The following TAFA4 variants were observed in gnomAD, a reference collection of about 807,000 sequenced individuals.
TAFA4 encodes TAFA chemokine like family member 4, also known as chemokine-like protein TAFA-4.
A neutral mutation model predicts 21.1 loss-of-function variants in TAFA4; 20 were observed. That is an observed-to-expected ratio of 0.95 (90% confidence interval 0.67 to 1.38). The LOEUF (loss-of-function observed/expected upper bound fraction) is 1.38, where lower values mean the gene tolerates loss of function less well. TAFA4 is among the 40% of genes most tolerant of loss of function. The pLI is 0.00. For missense variants in TAFA4, 211 were observed against 180.9 expected (o/e 1.17, Z -0.95); for synonymous variants, 71 against 67.4 (o/e 1.05, Z -0.26).
intron 3 of TAFA4, among the ~76,000 whole-genome samples, chr3:68,772,639 T>G (rs1702979549): frequency 6.6e-6 from 1 of 152,120 alleles, no homozygotes; most frequent in South Asian, 2.1e-4. Context: ...TAGCTTCACG[T>G]TGGGGCAGGC....
At chr3:68,809,663 G>GT (rs1032258656) in intron 3 of TAFA4, among the ~76,000 whole-genome samples, 2 of 151,364 alleles carry the variant, frequency 1.3e-5, no homozygotes, top group African/African-American at 4.9e-5. Context: ...GCTTTTCCCC[G>GT]TTTTTTCTTC....
rs183337694 is a variant in TAFA4, at chr3:68,901,908, T to C, written c.-122-16598A>G. On this transcript the variant is annotated intron_variant, in intron 1 of 5. Transcript: ENST00000295569. ...CTCTCTGAACCTCAAGCTCTTTATC[T>C]GAAAATAGATTTGGAAATAACTACC... Among the ~76,000 whole-genome samples, 572 of 152,270 alleles carry C rather than the reference T, an allele frequency of 3.8e-3. 1 individual carries two copies. The highest frequency in any genetic ancestry group is 0.013 in the African/African-American group (548 of 41,548).
At position 68,764,984 on chromosome 3, in the gene TAFA4, T is replaced by C. The variant is rs189420964; in HGVS notation, c.131-11966A>G. On this transcript the variant is annotated intron_variant, in intron 3 of 5. Transcript: ENST00000295569. Reference sequence around the variant, plus strand: ...CTGAAAAAGCAGAGTGACAGCCAAGTGTGTGGTTAACCAAAAGACAAAGAA... The same window carrying C: ...CTGAAAAAGCAGAGTGACAGCCAAGCGTGTGGTTAACCAAAAGACAAAGAA... Among the ~76,000 whole-genome samples, 66 of 152,184 alleles carry C rather than the reference T, an allele frequency of 4.3e-4. No individual in the cohort carries two copies. In the East Asian group the frequency reaches 0.012, roughly 27 times the overall value.
intron 1 of TAFA4, among the ~76,000 whole-genome samples, chr3:68,886,020 T>C (rs2089669256): frequency 6.6e-6 from 1 of 152,292 alleles, no homozygotes; most frequent in Admixed American, 6.5e-5. Context: ...TTTGTAAAGA[T>C]GCTAAGTTAA....
At chr3:68,843,929 T>C (rs1327861689) in intron 3 of TAFA4, among the ~76,000 whole-genome samples, 1 of 152,268 alleles carries the variant, frequency 6.6e-6, no homozygotes, top group Non-Finnish European at 1.5e-5. Flanking sequence ...CAGTATTTTA[T>C]TGAGGATTTT....
chr3:68,763,748 T>A (rs553368053), intron 3 of TAFA4, among the ~76,000 whole-genome samples: 79 of 152,204 alleles, frequency 5.2e-4, no homozygotes, highest in South Asian at 4.4e-3. Flanking sequence ...ACCACTTTTT[T>A]TCTAATAATA....
intron 3 of TAFA4, among the ~76,000 whole-genome samples, chr3:68,829,770 G>C (rs866530644): frequency 6.6e-6 from 1 of 152,048 alleles, no homozygotes; most frequent in Non-Finnish European, 1.5e-5. Flanking sequence ...ATGGTACCTG[G>C]TCATCTTTGT....
intron 3 of TAFA4, among the ~76,000 whole-genome samples, chr3:68,814,003 T>A (rs1176527084): frequency 6.6e-6 from 1 of 152,216 alleles, no homozygotes; most frequent in Non-Finnish European, 1.5e-5. Context: ...GATGCAAGGC[T>A]GGTTCAACAT....
chr3:68,863,601 G>C lies in TAFA4; in HGVS notation c.130+17129C>G, dbSNP rs1219299639. Among the ~76,000 whole-genome samples the C allele has an allele frequency of 2.0e-5, 3 of 152,070 alleles. 1 individual carries two copies. The highest frequency in any genetic ancestry group is 2.0e-4 in the Admixed American group (3 of 15,264). On this transcript the variant is annotated intron_variant, in intron 3 of 5. Transcript: ENST00000295569. ...CTGAGACCAAGAGAGTAAACAATTT[G>C]TTGTAGTAATTTTTCATAGTCTACA...
chr3:68,891,850 AAT>A (rs1395723535), intron 1 of TAFA4, among the ~76,000 whole-genome samples: 1 of 152,218 alleles, frequency 6.6e-6, no homozygotes, highest in African/African-American at 2.4e-5. Flanking sequence ...GAAATGAGGT[AAT>A]ATGTTTCCAT....
chr3:68,823,289 T>G (rs1302990060), intron 3 of TAFA4, among the ~76,000 whole-genome samples: 1 of 152,138 alleles, frequency 6.6e-6, no homozygotes, highest in African/African-American at 2.4e-5. Context: ...AGCACTAAAA[T>G]GCAGTAGTAT....
At chr3:68,856,798 A>C (rs1705080000) in intron 3 of TAFA4, among the ~76,000 whole-genome samples, 1 of 152,128 alleles carries the variant, frequency 6.6e-6, no homozygotes, top group South Asian at 2.1e-4. Flanking sequence ...ACAACACAGA[A>C]ACAAAACCTA....
chr3:68,788,213 C>G (rs1038953168), intron 3 of TAFA4, among the ~76,000 whole-genome samples: 1 of 152,188 alleles, frequency 6.6e-6, no homozygotes, highest in Admixed American at 6.5e-5. Context: ...CCTCAATCAT[C>G]TGACTGTATT....
intron 3 of TAFA4, among the ~76,000 whole-genome samples, chr3:68,837,268 T>C (rs963962745): frequency 2.0e-5 from 3 of 152,174 alleles, no homozygotes; most frequent in African/African-American, 4.8e-5. Flanking sequence ...AGCTGGCCTG[T>C]TGGAACTGCA....
chr3:68,912,746 T>G (rs1034462963), intron 1 of TAFA4, among the ~76,000 whole-genome samples: 8 of 152,250 alleles, frequency 5.3e-5, no homozygotes, highest in African/African-American at 1.9e-4. Flanking sequence ...GTTTTACTTC[T>G]GTGATAGCTT....
At chr3:68,767,155 G>T (rs183539601) in intron 3 of TAFA4, among the ~76,000 whole-genome samples, 1 of 152,108 alleles carries the variant, frequency 6.6e-6, no homozygotes, top group African/African-American at 2.4e-5. Context: ...TAGTGCACCT[G>T]TCACCCAAGT....
In TAFA4 at chr3:68,749,421, C is replaced by A. The variant is rs182191131; in HGVS notation, c.286+3442G>T. Among the ~76,000 whole-genome samples the A allele has an allele frequency of 1.8e-3, 269 of 152,224 alleles. 1 individual carries two copies. The highest frequency in any genetic ancestry group is 6.2e-3 in the African/African-American group (258 of 41,554). On this transcript the variant is annotated intron_variant, in intron 4 of 5. Coordinates refer to ENST00000295569, the MANE Select transcript of TAFA4 (RefSeq NM_182522.5). ...TTTTATATTTTAGATCCTTTCTATT[C>A]TTATTGACAGATAAGAGGAACATAT...
intron 3 of TAFA4, among the ~76,000 whole-genome samples, chr3:68,808,665 C>T (rs929409040): frequency 2.0e-5 from 3 of 152,158 alleles, no homozygotes; most frequent in African/African-American, 7.2e-5. Context: ...AGTTCAATTT[C>T]CACAAACACA....
chr3:68,827,666 TG>T (rs1171476996), intron 3 of TAFA4, among the ~76,000 whole-genome samples: 6 of 152,260 alleles, frequency 3.9e-5, no homozygotes, highest in Non-Finnish European at 8.8e-5. Flanking sequence ...ATATGTTTGT[TG>T]GCTGCATAAA....
Sources: allele counts gnomAD v4.1 joint callset (sites outside exome capture counted in the v4.1 genomes callset), GRCh38; gene constraint gnomAD v4.1.1; transcripts MANE v1.5; gene names NCBI Gene and HGNC (gene_info 2026-07-23, HGNC 2026-07-21).